Variants in MSRA observed in about 807,000 individuals in gnomAD.
MSRA encodes methionine sulfoxide reductase A.
In MSRA, 54 loss-of-function variants were observed where a neutral mutation model predicts 31.3. That is an observed-to-expected ratio of 1.73 (90% CI 1.39 to 2.17). MSRA has a LOEUF of 2.17. Ranked by LOEUF, MSRA falls within the 30% of genes most tolerant of loss-of-function variation. The pLI, the probability that MSRA is intolerant of heterozygous loss-of-function variation, is 0.00. For missense variants in MSRA, 507 were observed against 300.9 expected (o/e 1.69, Z -5.07); for synonymous variants, 169 against 116.5 (o/e 1.45, Z -2.90).
intron 4 of MSRA, among the ~76,000 whole-genome samples, chr8:10,318,789 T>C (rs1801871525): frequency 6.6e-6 from 1 of 152,180 alleles, no homozygotes; most frequent in Non-Finnish European, 1.5e-5. Flanking sequence ...GAAGCATCTT[T>C]GTCATCTGGG....
At chr8:10,238,458 T>G (rs1812136279) in intron 2 of MSRA, among the ~76,000 whole-genome samples, 1 of 152,236 alleles carries the variant, frequency 6.6e-6, no homozygotes, top group Admixed American at 6.5e-5. Flanking sequence ...CTTGTTTGCT[T>G]TGTTCACTCA....
intron 1 of MSRA, among the ~76,000 whole-genome samples, chr8:10,096,687 T>C (rs1367594355): frequency 6.6e-6 from 1 of 152,238 alleles, no homozygotes; most frequent in African/African-American, 2.4e-5. Flanking sequence ...GTGTTTTACT[T>C]AGATATATAC....
At chr8:10,349,079 G>A (rs766368647) in intron 5 of MSRA, among the ~76,000 whole-genome samples, 15 of 152,232 alleles carry the variant, frequency 9.9e-5, no homozygotes, top group South Asian at 2.1e-4. Flanking sequence ...AATCATATGC[G>A]ATACATCTAT....
chr8:10,256,042 T>C (rs1798159943), intron 3 of MSRA, among the ~76,000 whole-genome samples: 1 of 152,074 alleles, frequency 6.6e-6, no homozygotes, highest in South Asian at 2.1e-4. Context: ...TGTTCTGACA[T>C]GTATAATGAG....
At chr8:10,397,543 T>A (rs1287495327) in intron 5 of MSRA, among the ~76,000 whole-genome samples, 2 of 152,164 alleles carry the variant, frequency 1.3e-5, no homozygotes, top group African/African-American at 4.8e-5. Flanking sequence ...TCAGGGTGCT[T>A]CTCAGAGGTC....
chr8:10,232,140 G>C (rs896339520), intron 2 of MSRA, among the ~76,000 whole-genome samples: 1 of 152,148 alleles, frequency 6.6e-6, no homozygotes, highest in African/African-American at 2.4e-5. Flanking sequence ...TGTGTACGTG[G>C]CTGTGTTCTG....
chr8:10,353,978 T>C (rs1405045724), intron 5 of MSRA: 3 of 177,386 alleles, frequency 1.7e-5, no homozygotes, highest in Non-Finnish European at 3.6e-5. Context: ...CTTTTCTTTT[T>C]CCAGTGGGTT....
chr8:10,127,257 A>G (rs754496978), intron 1 of MSRA, among the ~76,000 whole-genome samples: 1 of 152,130 alleles, frequency 6.6e-6, no homozygotes, highest in Non-Finnish European at 1.5e-5. Flanking sequence ...AGTTATTTGT[A>G]TCCTACTCAG....
chr8:10,335,615 T>TG (rs1738751310), intron 5 of MSRA, among the ~76,000 whole-genome samples: 1 of 152,094 alleles, frequency 6.6e-6, no homozygotes, highest in Admixed American at 6.5e-5. Flanking sequence ...GGAGAAGTCT[T>TG]GGAGGGGAAC....
At chr8:10,237,318 G>T (rs1812030255) in intron 2 of MSRA, among the ~76,000 whole-genome samples, 1 of 152,190 alleles carries the variant, frequency 6.6e-6, no homozygotes, top group African/African-American at 2.4e-5. Context: ...CTACTGTCCG[G>T]GGAAAATCAC....
intron 4 of MSRA, among the ~76,000 whole-genome samples, chr8:10,304,670 A>G (rs1170041207): frequency 6.6e-6 from 1 of 152,184 alleles, no homozygotes; most frequent in Admixed American, 6.5e-5. Context: ...ACCACATCTG[A>G]CCACAGCTGC....
At chr8:10,388,636 C>G (rs1233839182) in intron 5 of MSRA, among the ~76,000 whole-genome samples, 1 of 152,164 alleles carries the variant, frequency 6.6e-6, no homozygotes, top group South Asian at 2.1e-4. Context: ...ATCCTGGCTT[C>G]TTCCCATTAC....
intron 5 of MSRA, among the ~76,000 whole-genome samples, chr8:10,360,209 G>C (rs1369306905): frequency 6.6e-6 from 1 of 152,202 alleles, no homozygotes; most frequent in Non-Finnish European, 1.5e-5. Flanking sequence ...ATGGCTGTCT[G>C]TGTCTTCCAG....
chr8:10,216,249 T>G (rs2129064538), intron 2 of MSRA, among the ~76,000 whole-genome samples: 1 of 152,302 alleles, frequency 6.6e-6, no homozygotes. Context: ...AGGTAAATAT[T>G]AGGCCAAAGG....
chr8:10,125,215 A>G (rs916800111), intron 1 of MSRA, among the ~76,000 whole-genome samples: 2 of 152,190 alleles, frequency 1.3e-5, no homozygotes, highest in Admixed American at 1.3e-4. Flanking sequence ...CTTTCTGGCT[A>G]GGTCATTCTT....
chr8:10,396,920 T>C (rs1807131420), intron 5 of MSRA, among the ~76,000 whole-genome samples: 1 of 152,224 alleles, frequency 6.6e-6, no homozygotes, highest in Non-Finnish European at 1.5e-5. Flanking sequence ...GCATGACCTC[T>C]TGGGTGCCGA....
At chr8:10,409,507 T>G (rs745540304) in intron 5 of MSRA, among the ~76,000 whole-genome samples, 9 of 152,306 alleles carry the variant, frequency 5.9e-5, no homozygotes, top group Admixed American at 1.3e-4. Context: ...CTGCCTGGGT[T>G]GAAATACTGC....
At chr8:10,403,866 A>G (rs558416414) in intron 5 of MSRA, among the ~76,000 whole-genome samples, 10 of 152,262 alleles carry the variant, frequency 6.6e-5, no homozygotes, top group South Asian at 2.1e-4. Context: ...TAGGCTTCCC[A>G]TCTGGTGCAC....
intron 1 of MSRA, among the ~76,000 whole-genome samples, chr8:10,195,542 A>G (rs1261469005): frequency 6.6e-6 from 1 of 152,124 alleles, no homozygotes; most frequent in African/African-American, 2.4e-5. Flanking sequence ...TGCCTGGCCT[A>G]ATTTTCTATC....
Sources: allele counts gnomAD v4.1 joint callset (sites outside exome capture counted in the v4.1 genomes callset), GRCh38; gene constraint gnomAD v4.1.1; transcripts MANE v1.5; gene names NCBI Gene and HGNC (gene_info 2026-07-23, HGNC 2026-07-21).